Variants in SPINK6 observed in about 807,000 individuals in gnomAD.
SPINK6 encodes serine protease inhibitor Kazal-type 6.
In SPINK6, 13 loss-of-function variants were observed where a neutral mutation model predicts 11.7. The observed-to-expected ratio is 1.11, with a 90% CI of 0.72 to 1.76. SPINK6 has a LOEUF of 1.76. SPINK6 is among the 40% of genes most tolerant of loss of function. The probability of loss-of-function intolerance (pLI) is 0.00; values close to 1 mark genes in which losing one functional copy is unlikely to be tolerated. For synonymous variants in SPINK6, 21 were observed against 31.9 expected, an observed-to-expected ratio of 0.66 and a Z score of 1.15; for missense variants, 98 against 93.7, an observed-to-expected ratio of 1.05 and a Z score of -0.19.
chr5:148,208,922 C>T (rs1226606300), intron 2 of SPINK6, among the ~76,000 whole-genome samples: 3 of 152,256 alleles, frequency 2.0e-5, no homozygotes, highest in African/African-American at 7.2e-5. Context: ...GGAACCTTAT[C>T]CTTAAAGAGC....
chr5:148,209,965 T>TAC lies in SPINK6; in HGVS notation c.81+3909_81+3910dup, dbSNP rs1321782994. 2.1e-4 allele frequency among the ~76,000 whole-genome samples: 32 copies of TAC among 151,418 alleles called. 1 individual carries two copies. Among genetic ancestry groups the TAC allele is most frequent in the African/African-American group, 6.3e-4 (26 of 40,998 alleles). On this transcript the variant is annotated intron_variant, in intron 2 of 3. Coordinates refer to ENST00000325630, the MANE Select transcript of SPINK6 (RefSeq NM_205841.4). ...AAAAGGTTTCATATATATGTATACA[T>TAC]ACATACGTACGTATGTATGTATACA...
intron 2 of SPINK6, among the ~76,000 whole-genome samples, chr5:148,207,621 A>G (rs1314382362): frequency 6.6e-6 from 1 of 152,134 alleles, no homozygotes; most frequent in African/African-American, 2.4e-5. Flanking sequence ...ACCTGAGGCC[A>G]GGAGTTAGAG....
chr5:148,205,101 AAAC>A (rs1416518908), intron 1 of SPINK6, among the ~76,000 whole-genome samples: 6 of 152,216 alleles, frequency 3.9e-5, no homozygotes, highest in Admixed American at 3.3e-4. Context: ...TCAAATTAAA[AAAC>A]AACAGCTTGT....
At chr5:148,211,847 T>C (rs990612386) in intron 2 of SPINK6, among the ~76,000 whole-genome samples, 1 of 152,132 alleles carries the variant, frequency 6.6e-6, no homozygotes, top group African/African-American at 2.4e-5. Context: ...TACTTGGGTG[T>C]GGGTTCAGTT....
At chr5:148,212,271 G>A (rs1665432027) in intron 2 of SPINK6, among the ~76,000 whole-genome samples, 1 of 151,214 alleles carries the variant, frequency 6.6e-6, no homozygotes, top group African/African-American at 2.4e-5. Context: ...TTTAAACACA[G>A]CAACTTAGGC....
chr5:148,212,792 A>G (rs1755630104), intron 2 of SPINK6, among the ~76,000 whole-genome samples: 1 of 129,318 alleles, frequency 7.7e-6, no homozygotes. Flanking sequence ...ATTATATTAT[A>G]TATTTTATAT....
chr5:148,203,904 C>A (rs1755465504), intron 1 of SPINK6, among the ~76,000 whole-genome samples: 1 of 152,092 alleles, frequency 6.6e-6, no homozygotes, highest in African/African-American at 2.4e-5. Flanking sequence ...TCTACTCTTT[C>A]ACGTTGTAGG....
At chr5:148,206,219 G>A (rs1215719536) in intron 2 of SPINK6, among the ~76,000 whole-genome samples, 161 bp downstream of exon 2, 1 of 117,586 alleles carries the variant, frequency 8.5e-6, no homozygotes, top group East Asian at 2.5e-4. Context: ...CTAAACTCTT[G>A]TCAGTTTAAA....
intron 2 of SPINK6, among the ~76,000 whole-genome samples, chr5:148,208,360 G>A (rs1755526628): frequency 1.3e-5 from 2 of 152,238 alleles, no homozygotes; most frequent in Middle Eastern, 3.4e-3. Context: ...TGGAGGGAGG[G>A]TGGAAGTTTC....
At chr5:148,205,659 G>T (rs969892132) in intron 1 of SPINK6, among the ~76,000 whole-genome samples, 1 of 152,142 alleles carries the variant, frequency 6.6e-6, no homozygotes, top group East Asian at 1.9e-4. Context: ...AATGTCAAAG[G>T]TAGAGGATAC....
chr5:148,208,690 G>A (rs2113309977), intron 2 of SPINK6, among the ~76,000 whole-genome samples: 1 of 152,262 alleles, frequency 6.6e-6, no homozygotes, highest in South Asian at 2.1e-4. Context: ...AATTTGCCAA[G>A]GAGATAGATT....
intron 2 of SPINK6, among the ~76,000 whole-genome samples, chr5:148,212,478 T>A (rs1477608439): frequency 4.4e-5 from 1 of 22,886 alleles, no homozygotes; most frequent in African/African-American, 6.2e-5. Flanking sequence ...AATACATATT[T>A]TTTATATATA....
At chr5:148,211,532 T>C (rs1221378097) in intron 2 of SPINK6, among the ~76,000 whole-genome samples, 1 of 152,206 alleles carries the variant, frequency 6.6e-6, no homozygotes, top group Non-Finnish European at 1.5e-5. Context: ...CATTTGTTCC[T>C]TATAAAAACC....
At chr5:148,210,034 A>ACGT (rs1755561000) in intron 2 of SPINK6, among the ~76,000 whole-genome samples, 1 of 139,792 alleles carries the variant, frequency 7.2e-6, no homozygotes, top group Non-Finnish European at 1.6e-5. Flanking sequence ...ACGCATGCAC[A>ACGT]AACGTATGTA....
At chr5:148,210,009 T>TG (rs1755558885) in intron 2 of SPINK6, among the ~76,000 whole-genome samples, 1 of 144,958 alleles carries the variant, frequency 6.9e-6, no homozygotes, top group Admixed American at 6.7e-5. Context: ...TATGTATACA[T>TG]GTATGTACGC....
intron 2 of SPINK6, among the ~76,000 whole-genome samples, chr5:148,212,902 T>G (rs1326014041): frequency 6.9e-6 from 1 of 144,838 alleles, no homozygotes; most frequent in Non-Finnish European, 1.5e-5. Context: ...ATCTATATGC[T>G]TTAGAGATAA....
At position 148,214,978 on chromosome 5, in the gene SPINK6, G is replaced by A. The variant is rs368792988; in HGVS notation, c.*28G>A. 15 of 1,610,818 alleles carry A rather than the reference G, an allele frequency of 9.3e-6. No homozygotes were observed. The African/African-American group carries it at 1.7e-4, about 19-fold the overall frequency. ...TAAAGCCAATGTTTCTTGGTGACTT[G>A]CCAGCTTTTGCAGCCTTCTTTTCTC... On this transcript the variant is annotated 3_prime_UTR_variant, in exon 4 of 4. Transcript: ENST00000325630.
At chr5:148,209,990 A>ATACACACGTACGTATGTATG (rs1755553951) in intron 2 of SPINK6, among the ~76,000 whole-genome samples, 1 of 144,894 alleles carries the variant, frequency 6.9e-6, no homozygotes, top group Non-Finnish European at 1.5e-5. Context: ...GTATGTATAC[A>ATACACACGTACGTATGTATG]TATACACGTA....
At chr5:148,203,913 G>C (rs887571038) in intron 1 of SPINK6, among the ~76,000 whole-genome samples, 5 of 152,024 alleles carry the variant, frequency 3.3e-5, no homozygotes, top group African/African-American at 1.2e-4. Context: ...TCACGTTGTA[G>C]GGCACAAAGC....
Sources: allele counts gnomAD v4.1 joint callset (sites outside exome capture counted in the v4.1 genomes callset), GRCh38; gene constraint gnomAD v4.1.1; transcripts MANE v1.5; gene names NCBI Gene and HGNC (gene_info 2026-07-23, HGNC 2026-07-21).